PHC2: variants seen among roughly 807,000 people sequenced by gnomAD.
The protein encoded by PHC2 is polyhomeotic homolog 2.
PHC2 carries 29 observed loss-of-function variants against 87.4 expected under a neutral mutation model. That is an observed-to-expected ratio of 0.33 (90% CI 0.25 to 0.45). PHC2 has a LOEUF of 0.45. Ranked by LOEUF, PHC2 falls within the 20% of genes least tolerant of loss-of-function variation. PHC2 has a pLI of 1.00. For synonymous variants in PHC2, 438 were observed against 461.7 expected, an observed-to-expected ratio of 0.95 and a Z score of 0.66; for missense variants, 857 against 1,136.7, an observed-to-expected ratio of 0.75 and a Z score of 3.54.
Position 33,349,408 on chromosome 1 carries a change from G to A in PHC2, c.1558+4993C>T, listed in dbSNP as rs1281172455. 3.0e-6 allele frequency: 3 copies of A among 985,302 alleles called. No individual in the cohort carries two copies. Among genetic ancestry groups the A allele is most frequent in the South Asian group, 9.4e-5 (2 of 21,292 alleles). 61.0% of individuals were successfully genotyped at this position (985,302 alleles called of 1,614,324 possible). A position where few individuals can be genotyped will look rare whatever the true frequency, so the allele number is the denominator to read the frequency against. On this transcript the variant is annotated intron_variant, in intron 9 of 14. Transcript: ENST00000683057. The surrounding 1 kb of genome is among the most constrained non-coding windows in gnomAD (Gnocchi z 4.2). ...GGGCGACGGGCGCGCAGGGTCCCCA[G>A]GCGAGCGAGGCTGGGGAGCAGGGCA...
At chr1:33,396,621 AT>A (rs1198702045) in intron 1 of PHC2, among the ~76,000 whole-genome samples, 11 of 152,202 alleles carry the variant, frequency 7.2e-5, no homozygotes, top group Non-Finnish European at 7.3e-5. Context: ...CAGAAGGTAA[AT>A]GAAAATGGAT....
chr1:33,393,214 A>G (rs934943752), intron 1 of PHC2, among the ~76,000 whole-genome samples: 2 of 152,020 alleles, frequency 1.3e-5, no homozygotes, highest in African/African-American at 4.8e-5. Context: ...TGAAAACCCT[A>G]CCTTCCTAGG....
At chr1:33,365,423 T>C (rs1557835093) in intron 7 of PHC2, among the ~76,000 whole-genome samples, 1 of 152,112 alleles carries the variant, frequency 6.6e-6, no homozygotes, top group East Asian at 1.9e-4. Flanking sequence ...AGAGAGAGGT[T>C]ACATTTCGGC....
intron 1 of PHC2, among the ~76,000 whole-genome samples, chr1:33,425,380 T>G (rs1334854842): frequency 6.6e-6 from 1 of 152,194 alleles, no homozygotes; most frequent in Non-Finnish European, 1.5e-5. Context: ...TTATAAAGAA[T>G]AAAGTGAAAG....
chr1:33,347,534 C>A, intron 9 of PHC2: 4 of 985,336 alleles, frequency 4.1e-6, no homozygotes, highest in Non-Finnish European at 4.8e-6. Context: ...TCATTAAGCA[C>A]CTTTGTGCCA....
At chr1:33,385,336 A>G (rs1557841954) in intron 1 of PHC2, among the ~76,000 whole-genome samples, 1 of 152,230 alleles carries the variant, frequency 6.6e-6, no homozygotes, top group Non-Finnish European at 1.5e-5. Context: ...AAAATCACAC[A>G]AAGGCAAAGT....
intron 9 of PHC2, among the ~76,000 whole-genome samples, chr1:33,353,819 T>C (rs1647018046): frequency 6.6e-6 from 1 of 152,082 alleles, no homozygotes; most frequent in African/African-American, 2.4e-5. Context: ...GCCTCTCCCA[T>C]CCGGGTGAAG....
In PHC2 at chr1:33,334,490, AT is replaced by A. The variant is rs759046342; in HGVS notation, c.1559-199del. 1.3e-5 allele frequency among the ~76,000 whole-genome samples: 2 copies of A among 152,250 alleles called. No individual in the cohort carries two copies. Among genetic ancestry groups the A allele is most frequent in the African/African-American group, 4.8e-5 (2 of 41,468 alleles). On this transcript the variant is annotated intron_variant, in intron 9 of 14. Transcript: ENST00000683057. This position sits in a 1 kb window ranked among gnomAD's most constrained non-coding sequence, Gnocchi z 5.5. The stretch of plus-strand genomic sequence containing the variant: ...AATGGACACATCACCAAGTATGAGT[AT>A]AGTCAGTTCCACAACAACGCATGCA...
intron 9 of PHC2, among the ~76,000 whole-genome samples, chr1:33,339,290 G>C (rs552809001): frequency 8.5e-5 from 13 of 152,154 alleles, no homozygotes; most frequent in Non-Finnish European, 1.6e-4. Flanking sequence ...TCTACATATA[G>C]AATACAGGGC....
At chr1:33,335,268 C>A (rs1646603732) in intron 9 of PHC2, 1 of 985,398 alleles carries the variant, frequency 1.0e-6, no homozygotes, top group East Asian at 1.1e-4. Context: ...CATCTCCTCA[C>A]TTCTGTAACT....
chr1:33,355,044 T>C lies in PHC2; in HGVS notation c.1186A>G (p.Met396Val), dbSNP rs768822816. The C allele has an allele frequency of 6.8e-6, 11 of 1,613,474 alleles. No individual in the cohort carries two copies. The East Asian group carries it at 1.8e-4, about 26-fold the overall frequency. Residue 396 changes from methionine to valine, a missense_variant, in exon 8 of 15, where the codon ATG (methionine) becomes GTG (valine). Met to Val is a conservative substitution (Grantham distance 21). Around this residue, in one of 3 missense-constraint regions of PHC2, gnomAD observed 832 missense variants for 1,081.8 expected, o/e 0.77. Transcript: ENST00000683057. ...GCGGGTGTAACCGGGCCTAGTGGCA[T>C]GGCATGGGCCTCTGAGCTGGGCTGG... ...ALQPSSEAHA[M>V]PLGPVTPALP... is the part of the protein sequence containing the mutation.
intron 14 of PHC2, among the ~76,000 whole-genome samples, chr1:33,328,136 T>C (rs971580243): frequency 6.6e-6 from 1 of 152,148 alleles, no homozygotes; most frequent in African/African-American, 2.4e-5. Context: ...AAAACAGTAA[T>C]GCATCCAGGC....
At position 33,355,105 on chromosome 1, in the gene PHC2, G is replaced by C; in HGVS notation, c.1125C>G (p.His375Gln). Residue 375 changes from histidine to glutamine, a missense_variant, in exon 8 of 15, where the codon CAC becomes CAG. His to Gln is a conservative substitution (Grantham distance 24, BLOSUM62 0). Coordinates refer to ENST00000683057, the MANE Select transcript of PHC2 (RefSeq NM_001385109.1). Reference sequence around the variant, plus strand: ...TTGGAGAGACTGAGGCGAGCTGGGGGTGGGGCTCAGCTTGGAGCACAGGCC... The same window carrying C: ...TTGGAGAGACTGAGGCGAGCTGGGGCTGGGGCTCAGCTTGGAGCACAGGCC... ...QSRPVLQAEP[H>Q]PQLASVSPSV... The C allele has an allele frequency of 1.2e-6, 2 of 1,611,508 alleles. No homozygotes were observed. The highest frequency in any genetic ancestry group is 2.2e-5 in the East Asian group (1 of 44,802).
At chr1:33,429,906 C>G (rs1410846327) in intron 1 of PHC2, among the ~76,000 whole-genome samples, 1 of 152,210 alleles carries the variant, frequency 6.6e-6, no homozygotes, top group Non-Finnish European at 1.5e-5. Flanking sequence ...ATCACGGGCG[C>G]ATTAGCCGAT....
chr1:33,349,111 G>GA lies in PHC2; in HGVS notation c.1558+5289dup. 1 of 985,258 alleles carries GA rather than the reference G, an allele frequency of 1.0e-6. No homozygotes were observed. The highest frequency in any genetic ancestry group is 1.2e-6 in the Non-Finnish European group (1 of 829,734). The allele number at this position is 985,258 out of a possible 1,614,324, so 61.0% of individuals were successfully genotyped here. On this transcript the variant is annotated intron_variant, in intron 9 of 14. Transcript: ENST00000683057. This position sits in a 1 kb window ranked among gnomAD's most constrained non-coding sequence, Gnocchi z 4.2. ...TTCTAAAAATGGAAGAAAAGACACA[G>GA]AACAGCTTGTCCCTTTCCATCCAAT...
Position 33,368,495 on chromosome 1 carries a change from G to T in PHC2, c.663+41C>A. On this transcript the variant is annotated intron_variant, in intron 6 of 14. Transcript: ENST00000683057. This position sits in a 1 kb window ranked among gnomAD's most constrained non-coding sequence, Gnocchi z 6.6. Reference sequence around the variant, plus strand: ...CCAGTATCAGTGCCCCTCTACAGGGGTGCCCACCCCCCTGCCCTCCCACAA... The same window carrying T: ...CCAGTATCAGTGCCCCTCTACAGGGTTGCCCACCCCCCTGCCCTCCCACAA... 9.0e-7 allele frequency: 1 copy of T among 1,112,952 alleles called. No individual in the cohort carries two copies. Among genetic ancestry groups the T allele is most frequent in the Non-Finnish European group, 1.3e-6 (1 of 775,374 alleles). 68.9% of individuals were successfully genotyped at this position (1,112,952 alleles called of 1,614,324 possible). A position where few individuals can be genotyped will look rare whatever the true frequency, so the allele number is the denominator to read the frequency against.
At chr1:33,412,033 C>G (rs1650004000) in intron 1 of PHC2, among the ~76,000 whole-genome samples, 2 of 152,098 alleles carry the variant, frequency 1.3e-5, no homozygotes, top group South Asian at 4.1e-4. Context: ...TGCTTTCCCC[C>G]TAAGATTGAG....
At chr1:33,401,930 A>T (rs1425473147) in intron 1 of PHC2, among the ~76,000 whole-genome samples, 1 of 152,190 alleles carries the variant, frequency 6.6e-6, no homozygotes, top group Non-Finnish European at 1.5e-5. Context: ...CAAAATAATG[A>T]CTTTACAGTA....
chr1:33,329,212 G>A (rs1646436433), intron 13 of PHC2, 66 bp from the exon 14 acceptor site: 2 of 1,536,028 alleles, frequency 1.3e-6, no homozygotes, highest in Admixed American at 1.8e-5. Flanking sequence ...GATGAACAAA[G>A]GAGGTATTTC....
Sources: gnomAD v4.1 joint callset for allele counts (sites outside exome capture counted in the v4.1 genomes callset) on GRCh38, gnomAD v4.1.1 for gene constraint, gnomAD v4.1.1 regional missense constraint, Gnocchi (gnomAD v3.1) non-coding constraint, MANE v1.5 for transcripts, NCBI Gene and HGNC (gene_info 2026-07-23, HGNC 2026-07-21) for gene names.